KALRN: variants seen among roughly 807,000 people sequenced by gnomAD.
KALRN encodes kalirin RhoGEF kinase.
Under a neutral mutation model 353.7 loss-of-function variants are expected in KALRN, and 70 were observed. That is an observed-to-expected ratio of 0.20 (90% CI 0.16 to 0.24). KALRN has a LOEUF of 0.24. Among genes scored for constraint, KALRN ranks in the 10% least tolerant of loss-of-function variants. The pLI, the probability that KALRN is intolerant of heterozygous loss-of-function variation, is 1.00. For missense variants in KALRN, 2,791 were observed against 3,756.7 expected (o/e 0.74, Z 6.72); for synonymous variants, 1,391 against 1,434.8 (o/e 0.97, Z 0.69).
intron 33 of KALRN, among the ~76,000 whole-genome samples, chr3:124,532,786 G>A (rs1410637640): frequency 1.3e-5 from 2 of 151,994 alleles, no homozygotes; most frequent in Non-Finnish European, 2.9e-5. Flanking sequence ...GGGCGACAGA[G>A]GAAGACTCTG....
chr3:124,611,179 A>G (rs912732934), intron 34 of KALRN, among the ~76,000 whole-genome samples: 16 of 152,142 alleles, frequency 1.1e-4, no homozygotes, highest in Non-Finnish European at 7.4e-5. Context: ...GCCTTTTAGT[A>G]ATGACCTGAA....
chr3:124,649,150 T>A (rs923858237), intron 37 of KALRN, among the ~76,000 whole-genome samples: 4 of 152,326 alleles, frequency 2.6e-5, no homozygotes, highest in Admixed American at 6.5e-5. Context: ...GATATCTGCT[T>A]AGTGTTATGT....
chr3:124,442,596 T>C (rs1178820858), intron 19 of KALRN, among the ~76,000 whole-genome samples: 2 of 152,172 alleles, frequency 1.3e-5, no homozygotes, highest in Non-Finnish European at 2.9e-5. Context: ...TAGTTTCTTA[T>C]TTAAAATGAG....
chr3:124,473,493 G>A (rs1386710351), intron 25 of KALRN, among the ~76,000 whole-genome samples: 1 of 152,152 alleles, frequency 6.6e-6, no homozygotes, highest in African/African-American at 2.4e-5. Context: ...ATAAGAATAC[G>A]TAATTCCTAC....
At chr3:124,686,550 A>G (rs605137) in intron 51 of KALRN, among the ~76,000 whole-genome samples, 64,784 of 151,808 alleles carry the variant, frequency 0.43, 14,628 homozygotes, top group African/African-American at 0.58. Context: ...CTGAGGTGGG[A>G]GGTGCCTGGC....
At chr3:124,608,970 G>A (rs1484959821) in intron 34 of KALRN, among the ~76,000 whole-genome samples, 1 of 152,174 alleles carries the variant, frequency 6.6e-6, no homozygotes, top group Non-Finnish European at 1.5e-5. Flanking sequence ...AGCACTGAAG[G>A]TACCATGAAA....
chr3:124,488,361 AC>A (rs879734613), intron 29 of KALRN, 46 bp downstream of exon 29: 5 of 1,236,912 alleles, frequency 4.0e-6, no homozygotes, highest in Non-Finnish European at 6.0e-6. Context: ...CTTCCTTGAC[AC>A]GGGGGAGCTT....
At chr3:124,488,139 G>C (rs192271694) in intron 28 of KALRN, 65 bp from the exon 29 acceptor site, 1 of 930,244 alleles carries the variant, frequency 1.1e-6, no homozygotes, top group Non-Finnish European at 1.8e-6. Context: ...TTCCTTGCTG[G>C]GTTAGGTGGT....
intron 33 of KALRN, among the ~76,000 whole-genome samples, chr3:124,530,398 C>T (rs985687106): frequency 5.3e-5 from 8 of 151,960 alleles, no homozygotes; most frequent in African/African-American, 1.9e-4. Context: ...TAATGGCAGT[C>T]ATCTTCAGGT....
At chr3:124,066,071 C>T (rs58270412) in intron 1 of KALRN, among the ~76,000 whole-genome samples, 14,587 of 152,072 alleles carry the variant, frequency 0.096, 1,036 homozygotes, top group African/African-American at 0.2. Flanking sequence ...TGAGTGTTGT[C>T]AGGGAGAGGG....
chr3:124,436,413 C>T (rs140682769), intron 17 of KALRN, among the ~76,000 whole-genome samples: 4 of 152,362 alleles, frequency 2.6e-5, no homozygotes, highest in Non-Finnish European at 5.9e-5. Context: ...AAAGTTTTTA[C>T]ATGTCTTTAA....
At chr3:124,347,073 G>A in intron 9 of KALRN, 70 bp from the exon 10 acceptor site, 4 of 1,606,892 alleles carry the variant, frequency 2.5e-6, no homozygotes, top group Non-Finnish European at 2.6e-6. Flanking sequence ...GACTCTAGCA[G>A]TTGCACATGT....
intron 10 of KALRN, chr3:124,374,454 C>G (rs932643528): frequency 6.6e-6 from 1 of 152,114 alleles, no homozygotes; most frequent in Non-Finnish European, 1.5e-5. Context: ...ATAGGCATAA[C>G]CTCAGGCAAC....
chr3:124,171,096 C>T lies in KALRN; in HGVS notation c.74-56894C>T, dbSNP rs140634788. Among the ~76,000 whole-genome samples, 7 of 152,146 alleles carry T rather than the reference C, an allele frequency of 4.6e-5. No homozygotes were observed. The East Asian group carries it at 1.2e-3, about 25-fold the overall frequency. ...CCTCACAAAGTGTTGGGATTACAGGCATGAGCAACCTCACCTGGCCCATTT... is the reference window on the plus strand; with the variant it reads ...CCTCACAAAGTGTTGGGATTACAGGTATGAGCAACCTCACCTGGCCCATTT... On this transcript the variant is annotated intron_variant, in intron 1 of 59. Coordinates refer to ENST00000682506, the MANE Select transcript of KALRN (RefSeq NM_001388419.1).
At chr3:124,292,744 A>G (rs774440995) in intron 5 of KALRN, among the ~76,000 whole-genome samples, 1 of 152,204 alleles carries the variant, frequency 6.6e-6, no homozygotes, top group South Asian at 2.1e-4. Context: ...CATACCTTTC[A>G]TCTGTTTTTT....
intron 3 of KALRN, among the ~76,000 whole-genome samples, chr3:124,258,050 A>G (rs919186216): frequency 6.6e-6 from 1 of 152,168 alleles, no homozygotes; most frequent in Non-Finnish European, 1.5e-5. Context: ...AACTGCTGTC[A>G]TTTGAGCACA....
At chr3:124,505,209 A>G (rs557571378) in intron 33 of KALRN, among the ~76,000 whole-genome samples, 15 of 152,332 alleles carry the variant, frequency 9.8e-5, no homozygotes, top group African/African-American at 3.1e-4. Context: ...AACTAATGGT[A>G]GGGGAAACAG....
intron 33 of KALRN, among the ~76,000 whole-genome samples, chr3:124,561,293 C>T (rs1475621209): frequency 1.3e-5 from 2 of 152,186 alleles, no homozygotes; most frequent in African/African-American, 4.8e-5. Flanking sequence ...CTTCTGTCTC[C>T]TTCCACCTTC....
At chr3:124,633,790 A>G in intron 35 of KALRN, 62 bp from the exon 36 acceptor site, 2 of 1,433,004 alleles carry the variant, frequency 1.4e-6, no homozygotes, top group Admixed American at 1.8e-5. Flanking sequence ...TGTTAATGTC[A>G]AGTCCAGAAC....
Sources: gnomAD v4.1 joint callset for allele counts (sites outside exome capture counted in the v4.1 genomes callset) on GRCh38, gnomAD v4.1.1 for gene constraint, MANE v1.5 for transcripts, NCBI Gene and HGNC (gene_info 2026-07-23, HGNC 2026-07-21) for gene names.